DPP10: variants seen among roughly 807,000 people sequenced by gnomAD.
DPP10 encodes the protein inactive dipeptidyl peptidase 10.
A neutral mutation model predicts 120.9 loss-of-function variants in DPP10; 33 were observed. The observed-to-expected ratio is 0.27, with a 90% CI of 0.21 to 0.37. The LOEUF is 0.37. Ranked by LOEUF, DPP10 falls within the 10% of genes least tolerant of loss-of-function variation. The pLI is 1.00. For missense variants in DPP10, 816 were observed against 942.8 expected (o/e 0.87, Z 1.76); for synonymous variants, 337 against 326.1 (o/e 1.03, Z -0.36).
intron 1 of DPP10, among the ~76,000 whole-genome samples, chr2:115,014,715 C>A (rs1308175887): frequency 6.6e-6 from 1 of 152,052 alleles, no homozygotes. Flanking sequence ...ATAAACACCT[C>A]TATGCAAATA....
At chr2:115,190,280 A>G (rs960302341) in intron 1 of DPP10, among the ~76,000 whole-genome samples, 1 of 152,126 alleles carries the variant, frequency 6.6e-6, no homozygotes, top group Non-Finnish European at 1.5e-5. Context: ...CTCCTCGTGG[A>G]ACTCCAATAG....
chr2:114,548,792 T>A (rs1687632503), intron 1 of DPP10, among the ~76,000 whole-genome samples: 1 of 152,182 alleles, frequency 6.6e-6, no homozygotes, highest in Non-Finnish European at 1.5e-5. Context: ...AGTGTTCCTA[T>A]GGCACCAGTT....
At chr2:114,603,583 T>C (rs935556982) in intron 1 of DPP10, among the ~76,000 whole-genome samples, 14 of 152,078 alleles carry the variant, frequency 9.2e-5, no homozygotes, top group Non-Finnish European at 5.9e-5. Flanking sequence ...GCAGAGTTAA[T>C]GTTGACCTGG....
At chr2:114,906,980 T>A (rs1459380699) in intron 1 of DPP10, among the ~76,000 whole-genome samples, 4 of 152,160 alleles carry the variant, frequency 2.6e-5, no homozygotes, top group African/African-American at 9.6e-5. Flanking sequence ...GTGGGAAGTT[T>A]TAAGATTTTT....
chr2:114,934,026 C>G (rs1305355968), intron 1 of DPP10, among the ~76,000 whole-genome samples: 1 of 152,172 alleles, frequency 6.6e-6, no homozygotes, highest in African/African-American at 2.4e-5. Flanking sequence ...GTTCTGCCTA[C>G]TAATGCTATT....
intron 16 of DPP10, among the ~76,000 whole-genome samples, chr2:115,782,012 G>C (rs979363897): frequency 1.3e-5 from 2 of 151,942 alleles, no homozygotes; most frequent in Non-Finnish European, 2.9e-5. Flanking sequence ...GGGTGAAAGG[G>C]TTGTGAATCA....
Position 114,813,716 on chromosome 2 carries a change from A to T in DPP10, c.60+370878A>T, listed in dbSNP as rs77954959. Reference sequence around the variant, plus strand: ...AGAAGCATTATGTCTATGGAATTAAATTTTTTTTTTTTTTCACTGTACAGT... The same window carrying T: ...AGAAGCATTATGTCTATGGAATTAATTTTTTTTTTTTTTTCACTGTACAGT... On this transcript the variant is annotated intron_variant, in intron 1 of 25. Coordinates refer to ENST00000410059, the MANE Select transcript of DPP10 (RefSeq NM_020868.6). Among the ~76,000 whole-genome samples the T allele has an allele frequency of 5.1e-3, 657 of 128,008 alleles. 5 individuals are homozygous for T. Among genetic ancestry groups the T allele is most frequent in the Non-Finnish European group, 8.1e-3 (470 of 58,024 alleles). 84.0% of individuals were successfully genotyped at this position (128,008 alleles called of 152,430 possible). A position where few individuals can be genotyped will look rare whatever the true frequency, so the allele number is the denominator to read the frequency against.
At chr2:115,474,716 G>A (rs1218103604) in intron 3 of DPP10, among the ~76,000 whole-genome samples, 1 of 123,006 alleles carries the variant, frequency 8.1e-6, no homozygotes, top group African/African-American at 3.2e-5. Flanking sequence ...TCTGCACCCT[G>A]ACCATGTGAT....
At chr2:114,982,746 G>C (rs915165410) in intron 1 of DPP10, among the ~76,000 whole-genome samples, 1 of 151,052 alleles carries the variant, frequency 6.6e-6, no homozygotes, top group African/African-American at 2.4e-5. Context: ...GACTATAGTC[G>C]CATGCCACCA....
At chr2:115,542,943 TA>T (rs1382302620) in intron 5 of DPP10, among the ~76,000 whole-genome samples, 1 of 151,980 alleles carries the variant, frequency 6.6e-6, no homozygotes, top group Non-Finnish European at 1.5e-5. Flanking sequence ...ATTTCCATTT[TA>T]AAAAATGGAA....
At chr2:115,260,069 A>G (rs1217114389) in intron 1 of DPP10, among the ~76,000 whole-genome samples, 1 of 151,194 alleles carries the variant, frequency 6.6e-6, no homozygotes, top group East Asian at 1.9e-4. Flanking sequence ...CTTTTCCATA[A>G]AACAACACTT....
rs1245508758 is a variant in DPP10 at position 115,689,675 on chromosome 2, T to C, written c.442-12T>C. 1 of 1,481,052 alleles carries C rather than the reference T, an allele frequency of 6.8e-7. No homozygotes were observed. The highest frequency in any genetic ancestry group is 9.2e-7 in the Non-Finnish European group (1 of 1,083,676). 91.7% of individuals were successfully genotyped at this position (1,481,052 alleles called of 1,614,324 possible). Reference sequence around the variant, plus strand: ...AAAGCTATGATCAATAATGTTTCTTTTTTAATTTCAGATTTTTCATTATTC... The same window carrying C: ...AAAGCTATGATCAATAATGTTTCTTCTTTAATTTCAGATTTTTCATTATTC... On this transcript the variant is annotated splice_polypyrimidine_tract_variant and intron_variant, in intron 5 of 25. Coordinates refer to ENST00000410059, the MANE Select transcript of DPP10 (RefSeq NM_020868.6).
chr2:115,696,073 TAA>T (rs1345697602), intron 7 of DPP10, among the ~76,000 whole-genome samples: 14 of 151,362 alleles, frequency 9.2e-5, no homozygotes. Flanking sequence ...ACATAAAAAA[TAA>T]AAGACTGAAG....
intron 1 of DPP10, among the ~76,000 whole-genome samples, chr2:114,750,878 C>A (rs1299544395): frequency 6.6e-6 from 1 of 152,206 alleles, no homozygotes; most frequent in African/African-American, 2.4e-5. Flanking sequence ...TATGTGATTA[C>A]AAGTTTTGGA....
chr2:115,223,070 T>C (rs2057257297), intron 1 of DPP10, among the ~76,000 whole-genome samples: 1 of 152,086 alleles, frequency 6.6e-6, no homozygotes, highest in African/African-American at 2.4e-5. Context: ...TTTAGTATCT[T>C]AGGGGTTGGG....
At chr2:114,840,463 C>T (rs959074127) in intron 1 of DPP10, among the ~76,000 whole-genome samples, 1 of 152,080 alleles carries the variant, frequency 6.6e-6, no homozygotes, top group Non-Finnish European at 1.5e-5. Flanking sequence ...ATTCGCTTTT[C>T]ACTCTGCTCC....
chr2:115,075,852 T>C (rs79618231), intron 1 of DPP10, among the ~76,000 whole-genome samples: 4 of 152,184 alleles, frequency 2.6e-5, no homozygotes, highest in Admixed American at 6.5e-5. Flanking sequence ...TTAAAACTCA[T>C]AACAAGTAAA....
chr2:114,815,401 C>A (rs1447718369), intron 1 of DPP10, among the ~76,000 whole-genome samples: 2 of 152,116 alleles, frequency 1.3e-5, no homozygotes, highest in Non-Finnish European at 2.9e-5. Flanking sequence ...CACACATTAG[C>A]TAGGAAGTTT....
At chr2:114,517,862 A>G (rs569932346) in intron 1 of DPP10, among the ~76,000 whole-genome samples, 2 of 152,262 alleles carry the variant, frequency 1.3e-5, no homozygotes, top group East Asian at 1.9e-4. Context: ...TCAAGCCACA[A>G]AAGGAATGTG....
Sources: gnomAD v4.1 joint callset for allele counts (sites outside exome capture counted in the v4.1 genomes callset) on GRCh38, gnomAD v4.1.1 for gene constraint, MANE v1.5 for transcripts, NCBI Gene and HGNC (gene_info 2026-07-23, HGNC 2026-07-21) for gene names.